Variants in FRMD4A observed in about 807,000 individuals in gnomAD.
The protein encoded by FRMD4A is FERM domain-containing protein 4A.
In FRMD4A, 29 loss-of-function variants were observed where a neutral mutation model predicts 129.1. The ratio of observed to expected loss-of-function variants is 0.22; its 90% CI spans 0.17 to 0.31. The LOEUF is 0.31. Ranked by LOEUF, FRMD4A falls within the 10% of genes least tolerant of loss-of-function variation. The pLI, the probability that FRMD4A is intolerant of heterozygous loss-of-function variation, is 1.00. For synonymous variants in FRMD4A, 634 were observed against 571.6 expected (o/e 1.11, Z -1.56); for missense variants, 1,272 against 1,375.8 (o/e 0.92, Z 1.19).
At chr10:14,237,686 C>T (rs1843878098) in intron 2 of FRMD4A, among the ~76,000 whole-genome samples, 1 of 152,178 alleles carries the variant, frequency 6.6e-6, no homozygotes, top group African/African-American at 2.4e-5. Flanking sequence ...AGAATTCCAG[C>T]TCTGTTTATG....
At chr10:13,847,507 C>T (rs939909069) in intron 3 of FRMD4A, among the ~76,000 whole-genome samples, 1 of 152,108 alleles carries the variant, frequency 6.6e-6, no homozygotes, top group Non-Finnish European at 1.5e-5. Flanking sequence ...TCGCTCCCTC[C>T]CTCCTTCCCT....
chr10:13,956,880 G>A (rs145721626), intron 2 of FRMD4A, among the ~76,000 whole-genome samples: 50 of 152,280 alleles, frequency 3.3e-4, no homozygotes, highest in African/African-American at 1.0e-3. Flanking sequence ...TCCTGGGAAG[G>A]GGGAAAGTGT....
At chr10:13,924,353 T>C (rs1565047641) in intron 2 of FRMD4A, among the ~76,000 whole-genome samples, 1 of 152,060 alleles carries the variant, frequency 6.6e-6, no homozygotes, top group Non-Finnish European at 1.5e-5. Context: ...AAAATCAACA[T>C]TATTTGGAAA....
At chr10:13,877,745 G>A (rs1363751846) in intron 2 of FRMD4A, among the ~76,000 whole-genome samples, 1 of 152,224 alleles carries the variant, frequency 6.6e-6, no homozygotes, top group East Asian at 1.9e-4. Context: ...AGCTGTGCTG[G>A]CAGATCCCTC....
intron 2 of FRMD4A, among the ~76,000 whole-genome samples, chr10:14,071,019 G>A (rs1195161625): frequency 1.3e-5 from 2 of 152,184 alleles, no homozygotes; most frequent in African/African-American, 4.8e-5. Flanking sequence ...AGTATTCTCT[G>A]GAAAAAGGCT....
At chr10:13,771,182 C>T (rs2092444231) in intron 6 of FRMD4A, among the ~76,000 whole-genome samples, 1 of 152,168 alleles carries the variant, frequency 6.6e-6, no homozygotes, top group Admixed American at 6.5e-5. Flanking sequence ...TCAAGTGATC[C>T]TCCCATCTCA....
chr10:14,090,812 C>A (rs1438381402), intron 2 of FRMD4A, among the ~76,000 whole-genome samples: 1 of 152,068 alleles, frequency 6.6e-6, no homozygotes, highest in Non-Finnish European at 1.5e-5. Context: ...AATGAAGTAC[C>A]CAGACTAACA....
At chr10:13,921,149 C>T (rs2095066245) in intron 2 of FRMD4A, among the ~76,000 whole-genome samples, 1 of 152,186 alleles carries the variant, frequency 6.6e-6, no homozygotes, top group Admixed American at 6.5e-5. Flanking sequence ...TGCCTTCTGG[C>T]TGTGTGCTTA....
intron 15 of FRMD4A, among the ~76,000 whole-genome samples, chr10:13,679,472 T>TACAC (rs1169130994): frequency 6.1e-4 from 13 of 21,386 alleles, no homozygotes; most frequent in Non-Finnish European, 1.0e-3. Context: ...TATATATATA[T>TACAC]ATACACACAC....
At chr10:14,014,008 A>G (rs1300432488) in intron 2 of FRMD4A, among the ~76,000 whole-genome samples, 2 of 152,226 alleles carry the variant, frequency 1.3e-5, no homozygotes, top group African/African-American at 4.8e-5. Context: ...GCTCCCTGCT[A>G]GGCCCTGGCC....
chr10:14,222,809 C>T (rs968234007), intron 2 of FRMD4A, among the ~76,000 whole-genome samples: 3 of 152,156 alleles, frequency 2.0e-5, no homozygotes, highest in East Asian at 1.9e-4. Context: ...AGGCCAGGTG[C>T]GGTGCCTCAT....
intron 2 of FRMD4A, among the ~76,000 whole-genome samples, chr10:14,124,286 G>C (rs1838703128): frequency 1.3e-5 from 2 of 152,238 alleles, no homozygotes; most frequent in Non-Finnish European, 2.9e-5. Context: ...TCTGTTCCAG[G>C]TGCCATGATC....
intron 6 of FRMD4A, among the ~76,000 whole-genome samples, chr10:13,769,698 C>A (rs1201848548): frequency 6.6e-6 from 1 of 152,168 alleles, no homozygotes; most frequent in Non-Finnish European, 1.5e-5. Context: ...ACTCAATAGA[C>A]CACCCTCCCC....
chr10:13,717,718 T>TG (rs1413375657), intron 12 of FRMD4A, among the ~76,000 whole-genome samples: 26 of 66,884 alleles, frequency 3.9e-4, no homozygotes, highest in South Asian at 5.7e-4. Flanking sequence ...TTTCCAGGGG[T>TG]GGCGGGGGGG....
intron 2 of FRMD4A, among the ~76,000 whole-genome samples, chr10:14,105,576 G>A (rs965535554): frequency 1.3e-5 from 2 of 152,064 alleles, no homozygotes; most frequent in African/African-American, 4.8e-5. Context: ...TAAAGAAAAT[G>A]ACCATAATGC....
At chr10:13,967,978 G>A (rs1279087575) in intron 2 of FRMD4A, among the ~76,000 whole-genome samples, 1 of 152,182 alleles carries the variant, frequency 6.6e-6, no homozygotes, top group East Asian at 1.9e-4. Context: ...CCAGGAGGTC[G>A]GGGCTGCAGT....
At chr10:14,026,166 A>G (rs563021180) in intron 2 of FRMD4A, among the ~76,000 whole-genome samples, 1 of 152,258 alleles carries the variant, frequency 6.6e-6, no homozygotes, top group South Asian at 2.1e-4. Flanking sequence ...GGAAATATAA[A>G]TATAACATTT....
chr10:13,651,035 G>A (rs1052711261), intron 24 of FRMD4A: 2 of 152,186 alleles, frequency 1.3e-5, no homozygotes, highest in Non-Finnish European at 2.9e-5. Flanking sequence ...AAGCCCTTGT[G>A]TCCCAGTTAG....
intron 2 of FRMD4A, among the ~76,000 whole-genome samples, chr10:14,151,184 C>G (rs1007939944): frequency 1.3e-5 from 2 of 152,120 alleles, no homozygotes; most frequent in African/African-American, 4.8e-5. Context: ...GAAAATAAAC[C>G]ATTATATCAG....
Sources: gnomAD v4.1 joint callset for allele counts (sites outside exome capture counted in the v4.1 genomes callset) on GRCh38, gnomAD v4.1.1 for gene constraint, MANE v1.5 for transcripts, NCBI Gene and HGNC (gene_info 2026-07-23, HGNC 2026-07-21) for gene names.